CACNA1C: variants seen among roughly 807,000 people sequenced by gnomAD.
CACNA1C encodes the protein calcium voltage-gated channel subunit alpha1 C.
In CACNA1C, 30 loss-of-function variants were observed where a neutral mutation model predicts 229.0. That is an observed-to-expected ratio of 0.13 (90% CI 0.10 to 0.18). The LOEUF (loss-of-function observed/expected upper bound fraction) is 0.18, where lower values mean the gene tolerates loss of function less well. CACNA1C is among the 10% of genes least tolerant of loss of function. The pLI, the probability that CACNA1C is intolerant of heterozygous loss-of-function variation, is 1.00. For synonymous variants in CACNA1C, 1,114 were observed against 1,132.5 expected (o/e 0.98, Z 0.33); for missense variants, 1,658 against 2,845.0 (o/e 0.58, Z 9.49).
intron 3 of CACNA1C, among the ~76,000 whole-genome samples, chr12:2,175,896 T>A (rs2096630826): frequency 6.6e-6 from 1 of 152,146 alleles, no homozygotes; most frequent in African/African-American, 2.4e-5. Context: ...ATTAAACAAG[T>A]ATTTATTGAG....
At position 2,691,447 on chromosome 12, in the gene CACNA1C, C is replaced by T. The variant is rs952008458; in HGVS notation, c.*248C>T. 1.2e-4 allele frequency: 47 copies of T among 392,342 alleles called. No homozygotes were observed. The highest frequency in any genetic ancestry group is 2.0e-4 in the Non-Finnish European group (44 of 225,462). The allele number at this position is 392,342 out of a possible 1,614,324, so 24.3% of individuals were successfully genotyped here. ...GGGGCGCGAGGAAGGCGCCTGCCCTCTCCCAGCTCGCAGGCCCCGGGCCCG... is the reference window on the plus strand; with the variant it reads ...GGGGCGCGAGGAAGGCGCCTGCCCTTTCCCAGCTCGCAGGCCCCGGGCCCG... On this transcript the variant is annotated 3_prime_UTR_variant, in exon 47 of 47. Transcript: ENST00000399655.
chr12:2,175,918 T>C (rs1260344610), intron 3 of CACNA1C, among the ~76,000 whole-genome samples: 1 of 152,228 alleles, frequency 6.6e-6, no homozygotes, highest in Non-Finnish European at 1.5e-5. Context: ...TCCTGCTATA[T>C]GCTGGGTATC....
Position 2,449,036 on chromosome 12 carries a change from G to A in CACNA1C, c.538G>A (p.Ala180Thr), listed in dbSNP as rs786205769. The change falls in exon 4 of 47, where the codon GCC becomes ACC. Residue 180 changes from alanine (A) to threonine (T), a missense_variant. This residue lies in a region of CACNA1C where 89 missense variants were observed against 177.8 expected (regional missense o/e 0.50). Transcript: ENST00000399655. ...FTVEAFLKVI[A>T]YGLLFHPNAY... Reference sequence around the variant, plus strand: ...GGTGGAAGCGTTTTTAAAAGTAATCGCCTATGGACTCCTCTTTCACCCCAA... The same window carrying A: ...GGTGGAAGCGTTTTTAAAAGTAATCACCTATGGACTCCTCTTTCACCCCAA... The A allele has an allele frequency of 3.2e-5, 52 of 1,601,328 alleles. No homozygotes were observed. The highest frequency in any genetic ancestry group is 4.2e-5 in the Non-Finnish European group (49 of 1,171,424).
chr12:2,444,073 C>A (rs1377161134), intron 3 of CACNA1C, among the ~76,000 whole-genome samples: 1 of 152,230 alleles, frequency 6.6e-6, no homozygotes, highest in Non-Finnish European at 1.5e-5. Flanking sequence ...TACTGGCTCT[C>A]TGGGCCCTTC....
chr12:2,321,552 C>T (rs1290818764), intron 3 of CACNA1C, among the ~76,000 whole-genome samples: 1 of 152,082 alleles, frequency 6.6e-6, no homozygotes, highest in Non-Finnish European at 1.5e-5. Context: ...AAAGCAGTGG[C>T]TGAGATACAG....
rs564990323 is a variant in CACNA1C, at chr12:2,420,102, GGTGTGTGTGT to G, written c.478-28837_478-28828del. Among the ~76,000 whole-genome samples, 820 of 125,498 alleles carry G rather than the reference GGTGTGTGTGT, an allele frequency of 6.5e-3. 2 individuals carry two copies. The highest frequency in any genetic ancestry group is 8.3e-3 in the Non-Finnish European group (511 of 61,648). The allele number at this position is 125,498 out of a possible 152,430, so 82.3% of individuals were successfully genotyped here. A position where few individuals can be genotyped will look rare whatever the true frequency, so the allele number is the denominator to read the frequency against. On this transcript the variant is annotated intron_variant, in intron 3 of 46. Transcript: ENST00000399655. Reference sequence around the variant, plus strand: ...CAGGGTAATCAGACTTAGGCAAAATGGTGTGTGTGTGTGTGTGTGTGTGTGTGTGTGTGTG... The same window carrying G: ...CAGGGTAATCAGACTTAGGCAAAATGGTGTGTGTGTGTGTGTGTGTGTGTG...
chr12:2,156,322 A>G (rs532760084), intron 3 of CACNA1C, among the ~76,000 whole-genome samples: 1 of 152,336 alleles, frequency 6.6e-6, no homozygotes, highest in South Asian at 2.1e-4. Context: ...TGACATGGAA[A>G]TCAGAAAAAA....
intron 1 of CACNA1C, among the ~76,000 whole-genome samples, chr12:2,087,887 A>G (rs1479428540): frequency 6.6e-6 from 1 of 152,192 alleles, no homozygotes; most frequent in Non-Finnish European, 1.5e-5. Flanking sequence ...TCTCTGGGTA[A>G]TGGTTCCGGA....
intron 3 of CACNA1C, among the ~76,000 whole-genome samples, chr12:2,255,653 T>C (rs1176697641): frequency 6.6e-6 from 1 of 152,212 alleles, no homozygotes; most frequent in African/African-American, 2.4e-5. Flanking sequence ...GTCACCTGGT[T>C]CATTTCCTTT....
intron 3 of CACNA1C, among the ~76,000 whole-genome samples, chr12:2,150,454 A>C (rs2095137246): frequency 1.3e-5 from 2 of 152,162 alleles, no homozygotes; most frequent in African/African-American, 2.4e-5. Flanking sequence ...AGAATGTGGA[A>C]TGCTCACCAA....
At chr12:2,147,644 A>G (rs948637328) in intron 3 of CACNA1C, among the ~76,000 whole-genome samples, 1 of 151,290 alleles carries the variant, frequency 6.6e-6, no homozygotes, top group Admixed American at 6.7e-5. Context: ...GAGGGAAGAT[A>G]AAGATGTGAA....
intron 5 of CACNA1C, among the ~76,000 whole-genome samples, chr12:2,481,523 C>T (rs943940257): frequency 2.6e-5 from 4 of 152,338 alleles, no homozygotes; most frequent in Non-Finnish European, 5.9e-5. Flanking sequence ...CCCCTTTTCC[C>T]GAGCCCAGCA....
intron 3 of CACNA1C, among the ~76,000 whole-genome samples, chr12:2,393,590 A>G (rs948309036): frequency 3.3e-5 from 5 of 152,244 alleles, no homozygotes. Context: ...TCTAGTCTGC[A>G]AAAGAGGATA....
chr12:2,573,529 A>T (rs547612642), intron 13 of CACNA1C, among the ~76,000 whole-genome samples: 1 of 152,250 alleles, frequency 6.6e-6, no homozygotes, highest in Non-Finnish European at 1.5e-5. Flanking sequence ...GTTTATTCAG[A>T]GTAGTATAAT....
rs1385702867 is a variant in CACNA1C at position 2,215,296 on chromosome 12, C to T, written c.477+94866C>T. 6.6e-6 allele frequency among the ~76,000 whole-genome samples: 1 copy of T among 152,144 alleles called. No individual in the cohort carries two copies. Among genetic ancestry groups the T allele is most frequent in the African/African-American group, 2.4e-5 (1 of 41,436 alleles). On this transcript the variant is annotated intron_variant, in intron 3 of 46. Transcript: ENST00000399655. This position sits in a 1 kb window ranked among gnomAD's most constrained non-coding sequence, Gnocchi z 5.0. The stretch of plus-strand genomic sequence containing the variant: ...GCACTTCCTCATCATTCCCTTTCTG[C>T]GAGCTTGCCCACTTGCTAGGATGGA...
intron 21 of CACNA1C, among the ~76,000 whole-genome samples, chr12:2,598,275 C>T (rs939096741): frequency 6.6e-6 from 1 of 152,212 alleles, no homozygotes; most frequent in Non-Finnish European, 1.5e-5. Flanking sequence ...GCTGGCCCAG[C>T]TCAGTTCTGC....
At chr12:1,993,115 C>T (rs755784578) in intron 1 of CACNA1C, 2 of 984,538 alleles carry the variant, frequency 2.0e-6, no homozygotes, top group Non-Finnish European at 3.3e-6. Context: ...TTAGGGCATG[C>T]ATTTCCTAAA....
chr12:2,364,203 G>A (rs2097659380), intron 3 of CACNA1C, among the ~76,000 whole-genome samples: 1 of 152,096 alleles, frequency 6.6e-6, no homozygotes, highest in South Asian at 2.1e-4. Context: ...CTCCATTATT[G>A]GCATGATTTT....
At chr12:2,439,341 A>G (rs1252850156) in intron 3 of CACNA1C, among the ~76,000 whole-genome samples, 2 of 152,202 alleles carry the variant, frequency 1.3e-5, no homozygotes, top group African/African-American at 2.4e-5. Flanking sequence ...CAAATGCCCC[A>G]TGCCTGCCCT....
Sources: allele counts gnomAD v4.1 joint callset (sites outside exome capture counted in the v4.1 genomes callset), GRCh38; gene constraint gnomAD v4.1.1; regional missense constraint gnomAD v4.1.1; non-coding constraint Gnocchi (gnomAD v3.1); transcripts MANE v1.5; gene names NCBI Gene and HGNC (gene_info 2026-07-23, HGNC 2026-07-21).